RUNDC3B: variants seen among roughly 807,000 people sequenced by gnomAD.
The protein encoded by RUNDC3B is RUN domain containing 3B, also known as RUN domain-containing protein 3B.
In RUNDC3B, 33 loss-of-function variants were observed where a neutral mutation model predicts 58.4. The observed-to-expected ratio is 0.56, with a 90% CI of 0.43 to 0.75. RUNDC3B has a LOEUF of 0.75. RUNDC3B is among the 30% of genes least tolerant of loss of function. The pLI is 0.00. For missense variants in RUNDC3B, 501 were observed against 535.7 expected, an observed-to-expected ratio of 0.94 and a Z score of 0.64; for synonymous variants, 193 against 195.2, an observed-to-expected ratio of 0.99 and a Z score of 0.10.
chr7:87,754,790 A>G (rs1214809174), intron 6 of RUNDC3B, among the ~76,000 whole-genome samples: 2 of 151,810 alleles, frequency 1.3e-5, no homozygotes, highest in South Asian at 2.1e-4. Flanking sequence ...ATAACTATGA[A>G]TACCTCTATG....
chr7:87,759,593 T>TCAA (rs1423703580), intron 6 of RUNDC3B, among the ~76,000 whole-genome samples: 1 of 151,880 alleles, frequency 6.6e-6, no homozygotes, highest in Non-Finnish European at 1.5e-5. Flanking sequence ...GGCCAGGAGT[T>TCAA]CAAGACCAGC....
chr7:87,814,134 CTTG>C (rs1246578270), intron 9 of RUNDC3B, among the ~76,000 whole-genome samples: 1 of 139,072 alleles, frequency 7.2e-6, no homozygotes, highest in African/African-American at 2.7e-5. Context: ...GAGTTTCACT[CTTG>C]TTGCTCAGAC....
chr7:87,792,530 G>A (rs937953253), intron 8 of RUNDC3B, among the ~76,000 whole-genome samples: 4 of 151,928 alleles, frequency 2.6e-5, no homozygotes, highest in African/African-American at 9.7e-5. Flanking sequence ...TAACCACAAT[G>A]GAATATAACT....
chr7:87,774,098 TA>T (rs1248566424), intron 7 of RUNDC3B, among the ~76,000 whole-genome samples: 2 of 152,090 alleles, frequency 1.3e-5, no homozygotes, highest in African/African-American at 4.8e-5. Flanking sequence ...AATAGTGCAG[TA>T]AAGTTAGATA....
Position 87,710,549 on chromosome 7 carries a change from ATTCT to A in RUNDC3B, c.373-15_373-12del. The A allele has an allele frequency of 7.0e-7, 1 of 1,421,652 alleles. No individual in the cohort carries two copies. The highest frequency in any genetic ancestry group is 9.7e-7 in the Non-Finnish European group (1 of 1,034,936). 88.1% of individuals were successfully genotyped at this position (1,421,652 alleles called of 1,614,324 possible). On this transcript the variant is annotated splice_polypyrimidine_tract_variant and intron_variant, in intron 3 of 10. Coordinates refer to ENST00000394654, the MANE Select transcript of RUNDC3B (RefSeq NM_001134405.2). ...ATTTTTTTAATTTTTTTTATATTTG[ATTCT>A]TTCTTCTTCCTTTTAGGGTAGAGCC...
chr7:87,754,205 A>G (rs531429086), intron 6 of RUNDC3B, among the ~76,000 whole-genome samples: 10 of 152,328 alleles, frequency 6.6e-5, no homozygotes, highest in African/African-American at 2.2e-4. Flanking sequence ...ACAATCCTCA[A>G]CAAATGCAAA....
chr7:87,784,260 G>A (rs1563207136), intron 8 of RUNDC3B, among the ~76,000 whole-genome samples: 1 of 152,188 alleles, frequency 6.6e-6, no homozygotes, highest in Non-Finnish European at 1.5e-5. Flanking sequence ...GGGAGCTAGT[G>A]TGATCCTTTA....
intron 10 of RUNDC3B, among the ~76,000 whole-genome samples, chr7:87,823,419 T>C (rs1837608709): frequency 6.6e-6 from 1 of 151,994 alleles, no homozygotes; most frequent in African/African-American, 2.4e-5. Flanking sequence ...TTTATTTTTT[T>C]TAATTTTTTT....
chr7:87,804,503 G>A (rs182675105), intron 8 of RUNDC3B, among the ~76,000 whole-genome samples: 1 of 152,036 alleles, frequency 6.6e-6, no homozygotes, highest in Non-Finnish European at 1.5e-5. Flanking sequence ...TTCCTATTGA[G>A]AATCTAAAGA....
At chr7:87,680,039 T>G (rs1826771404) in intron 2 of RUNDC3B, among the ~76,000 whole-genome samples, 1 of 150,410 alleles carries the variant, frequency 6.6e-6, no homozygotes, top group East Asian at 2.0e-4. Context: ...CACCCACCCC[T>G]AGACAGGCCC....
At chr7:87,794,149 A>T (rs770773910) in intron 8 of RUNDC3B, among the ~76,000 whole-genome samples, 3 of 152,208 alleles carry the variant, frequency 2.0e-5, no homozygotes, top group Non-Finnish European at 4.4e-5. Context: ...TAAAAACTGT[A>T]AAACAGGCCA....
intron 10 of RUNDC3B, among the ~76,000 whole-genome samples, chr7:87,824,696 C>T (rs895255749): frequency 6.6e-6 from 1 of 152,152 alleles, no homozygotes; most frequent in African/African-American, 2.4e-5. Flanking sequence ...TGTTGAATAT[C>T]TTTGACCAAA....
chr7:87,697,598 C>T (rs1828604076), intron 2 of RUNDC3B, among the ~76,000 whole-genome samples: 1 of 152,210 alleles, frequency 6.6e-6, no homozygotes, highest in Admixed American at 6.5e-5. Context: ...ATTCCTACTT[C>T]ATTTTGTGAT....
intron 10 of RUNDC3B, among the ~76,000 whole-genome samples, chr7:87,823,126 ATTTG>A (rs1350978770): frequency 6.6e-6 from 1 of 152,136 alleles, no homozygotes; most frequent in Non-Finnish European, 1.5e-5. Context: ...TACTATTTTA[ATTTG>A]TTTAACTAAA....
chr7:87,823,801 C>T (rs913255146), intron 10 of RUNDC3B, among the ~76,000 whole-genome samples: 27 of 150,874 alleles, frequency 1.8e-4, no homozygotes, highest in African/African-American at 4.6e-4. Flanking sequence ...TACACACACA[C>T]ACACACACAC....
intron 8 of RUNDC3B, among the ~76,000 whole-genome samples, chr7:87,804,351 T>A (rs1177655557): frequency 6.6e-6 from 1 of 152,170 alleles, no homozygotes; most frequent in African/African-American, 2.4e-5. Context: ...TTTACAAGTG[T>A]CAGAACCTGC....
At chr7:87,819,061 A>T (rs1837249769) in intron 10 of RUNDC3B, among the ~76,000 whole-genome samples, 1 of 152,152 alleles carries the variant, frequency 6.6e-6, no homozygotes, top group South Asian at 2.1e-4. Flanking sequence ...AAGTACACAG[A>T]CACACAGATA....
intron 9 of RUNDC3B, among the ~76,000 whole-genome samples, chr7:87,815,819 T>C (rs1232342550): frequency 6.6e-6 from 1 of 152,180 alleles, no homozygotes; most frequent in East Asian, 1.9e-4. Context: ...AATCTGAAGA[T>C]TTTTTGTTCT....
rs75779213 is a variant in RUNDC3B at position 87,679,852 on chromosome 7, A to G, written c.239-20569A>G. On this transcript the variant is annotated intron_variant, in intron 2 of 10. Transcript: ENST00000394654. ...AATCATATAAAGTATGTTCTCTGTA[A>G]TGGAATGAAACTAGATGTCAAGAAC... Among the ~76,000 whole-genome samples, 511 of 150,874 alleles carry G rather than the reference A, an allele frequency of 3.4e-3. 37 individuals are homozygous for G. Among genetic ancestry groups the G allele is most frequent in the African/African-American group, 0.012 (482 of 40,740 alleles).
Sources: gnomAD v4.1 joint callset for allele counts (sites outside exome capture counted in the v4.1 genomes callset) on GRCh38, gnomAD v4.1.1 for gene constraint, MANE v1.5 for transcripts, NCBI Gene and HGNC (gene_info 2026-07-23, HGNC 2026-07-21) for gene names.